LARP1: variants seen among roughly 807,000 people sequenced by gnomAD.
LARP1 encodes the protein la-related protein 1.
LARP1 carries 36 observed loss-of-function variants against 122.7 expected under a neutral mutation model. The ratio of observed to expected loss-of-function variants is 0.29; its 90% CI spans 0.22 to 0.39. LARP1 has a LOEUF of 0.39. Among genes scored for constraint, LARP1 ranks in the 10% least tolerant of loss-of-function variants. The pLI is 1.00. For missense variants in LARP1, 1,040 were observed against 1,403.6 expected (o/e 0.74, Z 4.14); for synonymous variants, 539 against 528.7 (o/e 1.02, Z -0.27).
At chr5:154,693,746 C>T (rs578192118) in intron 1 of LARP1, among the ~76,000 whole-genome samples, 25 of 151,724 alleles carry the variant, frequency 1.6e-4, no homozygotes, top group Admixed American at 2.6e-4. Context: ...GTCCCAGCTA[C>T]GCGGGAGGCT....
intron 1 of LARP1, among the ~76,000 whole-genome samples, chr5:154,695,573 C>T (rs563645066): frequency 1.3e-5 from 2 of 152,216 alleles, no homozygotes; most frequent in South Asian, 2.1e-4. Flanking sequence ...AGGAGAATCA[C>T]TTGAACCTGG....
At chr5:154,701,445 T>TCC (rs1250201575) in intron 1 of LARP1, among the ~76,000 whole-genome samples, 1 of 151,878 alleles carries the variant, frequency 6.6e-6, no homozygotes, top group African/African-American at 2.4e-5. Context: ...TTGGGAAGCC[T>TCC]CCCCTCCCCA....
intron 1 of LARP1, among the ~76,000 whole-genome samples, chr5:154,717,565 A>C (rs1755585991): frequency 1.3e-5 from 2 of 152,210 alleles, no homozygotes; most frequent in African/African-American, 4.8e-5. Flanking sequence ...CATGTAAATT[A>C]TACCAGAAGT....
chr5:154,769,631 G>A (rs1004788438), intron 1 of LARP1, among the ~76,000 whole-genome samples: 11 of 152,220 alleles, frequency 7.2e-5, no homozygotes, highest in Admixed American at 6.5e-4. Context: ...GGCTTGCCAG[G>A]TGAAACTGAG....
chr5:154,748,109 CAA>C (rs367704699), intron 1 of LARP1, among the ~76,000 whole-genome samples: 100 of 152,274 alleles, frequency 6.6e-4, no homozygotes, highest in African/African-American at 2.4e-3. Flanking sequence ...CTTGGCCTCC[CAA>C]AGTGCTGTGA....
At chr5:154,786,670 A>G in intron 1 of LARP1, 1 of 300,094 alleles carries the variant, frequency 3.3e-6, no homozygotes, top group Non-Finnish European at 6.8e-6. Context: ...CTTTTGACCC[A>G]TTCCTCGCCA....
intron 1 of LARP1, among the ~76,000 whole-genome samples, chr5:154,698,861 C>T (rs1029261251): frequency 1.6e-4 from 25 of 152,248 alleles, no homozygotes; most frequent in Admixed American, 6.5e-5. Flanking sequence ...AAATGAATTC[C>T]CTTGACTGTC....
At chr5:154,743,469 C>A (rs1753018866) in intron 1 of LARP1, among the ~76,000 whole-genome samples, 1 of 151,252 alleles carries the variant, frequency 6.6e-6, no homozygotes, top group South Asian at 2.1e-4. Flanking sequence ...CCACCATGCC[C>A]AGCTAATTTT....
intron 1 of LARP1, among the ~76,000 whole-genome samples, chr5:154,695,833 G>A (rs1027726884): frequency 1.3e-5 from 2 of 150,740 alleles, no homozygotes; most frequent in Non-Finnish European, 3.0e-5. Flanking sequence ...AGATCGTGCC[G>A]CTGCACTCCA....
intron 8 of LARP1, 50 bp from the exon 9 acceptor site, chr5:154,799,541 T>G: frequency 6.3e-7 from 1 of 1,593,464 alleles, no homozygotes; most frequent in Non-Finnish European, 8.6e-7. Context: ...CCAAGATCTT[T>G]CTGTCCAAGA....
At chr5:154,713,058 C>G (rs1755303200) in exon 1 of LARP1, 1 of 1,614,036 alleles carries the variant, frequency 6.2e-7, no homozygotes, top group African/African-American at 1.3e-5. Context: ...GGCAGCTGCC[C>G]CGAGGAAGGA....
chr5:154,765,234 CTT>C (rs1417494638), intron 1 of LARP1, among the ~76,000 whole-genome samples: 4 of 152,216 alleles, frequency 2.6e-5, no homozygotes, highest in Non-Finnish European at 5.9e-5. Context: ...GTCATGTACT[CTT>C]TGCTTTGGGT....
intron 10 of LARP1, among the ~76,000 whole-genome samples, chr5:154,800,384 G>A (rs1758251904): frequency 6.6e-6 from 1 of 152,086 alleles, no homozygotes; most frequent in Non-Finnish European, 1.5e-5. Flanking sequence ...CTGCGTTTTT[G>A]GTGTCTTTTC....
chr5:154,693,932 T>G (rs1754352560), intron 1 of LARP1, among the ~76,000 whole-genome samples: 1 of 152,108 alleles, frequency 6.6e-6, no homozygotes, highest in Non-Finnish European at 1.5e-5. Flanking sequence ...CTCCACCTAT[T>G]TTGGCTCCTG....
intron 1 of LARP1, chr5:154,685,957 T>C: frequency 2.1e-6 from 1 of 473,524 alleles, no homozygotes; most frequent in East Asian, 5.8e-5. Flanking sequence ...TTTGCCTGGA[T>C]TAAGTCTCTT....
intron 1 of LARP1, among the ~76,000 whole-genome samples, chr5:154,781,102 G>A (rs1397455026): frequency 6.6e-6 from 1 of 152,070 alleles, no homozygotes; most frequent in Non-Finnish European, 1.5e-5. Context: ...GTTACCTGAG[G>A]TGGTGGCTGA....
intron 1 of LARP1, among the ~76,000 whole-genome samples, chr5:154,780,192 GGACA>G (rs1230351292): frequency 6.6e-6 from 1 of 152,174 alleles, no homozygotes; most frequent in Non-Finnish European, 1.5e-5. Context: ...CTGCCTCTCA[GGACA>G]GACAGACAGT....
intron 1 of LARP1, chr5:154,718,412 C>T (rs1188854103): frequency 6.6e-6 from 1 of 152,160 alleles, no homozygotes; most frequent in Non-Finnish European, 1.5e-5. Flanking sequence ...TTTGCCCAGG[C>T]TGGAGTGCAG....
intron 15 of LARP1, among the ~76,000 whole-genome samples, chr5:154,806,779 T>C (rs1758823405): frequency 1.3e-5 from 2 of 152,234 alleles, no homozygotes; most frequent in Non-Finnish European, 2.9e-5. Flanking sequence ...ACTTCTCTCT[T>C]TCTTACTCTA....
Sources: gnomAD v4.1 joint callset for allele counts (sites outside exome capture counted in the v4.1 genomes callset) on GRCh38, gnomAD v4.1.1 for gene constraint, MANE v1.5 for transcripts, NCBI Gene and HGNC (gene_info 2026-07-23, HGNC 2026-07-21) for gene names.